The following CSMD3 variants were observed in gnomAD, a reference collection of about 807,000 sequenced individuals.
The protein encoded by CSMD3 is CUB and Sushi multiple domains 3, also known as CUB and sushi domain-containing protein 3.
CSMD3 carries 177 observed loss-of-function variants against 435.2 expected under a neutral mutation model. That is an observed-to-expected ratio of 0.41 (90% CI 0.36 to 0.46). The LOEUF (loss-of-function observed/expected upper bound fraction) is 0.46, where lower values mean the gene tolerates loss of function less well. Among genes scored for constraint, CSMD3 ranks in the 20% least tolerant of loss-of-function variants. The pLI is 0.34. For missense variants in CSMD3, 4,265 were observed against 4,504.6 expected (o/e 0.95, Z 1.52); for synonymous variants, 1,656 against 1,520.5 (o/e 1.09, Z -2.07).
chr8:112,264,652 A>G (rs1446252971), intron 60 of CSMD3, among the ~76,000 whole-genome samples: 1 of 152,156 alleles, frequency 6.6e-6, no homozygotes, highest in Admixed American at 6.6e-5. Flanking sequence ...ACAGAAGCTT[A>G]ATAATCAAGA....
chr8:112,237,090 A>G, intron 67 of CSMD3, 100 bp downstream of exon 67: 4 of 1,356,316 alleles, frequency 2.9e-6, no homozygotes, highest in Non-Finnish European at 4.2e-6. Flanking sequence ...ATGTATCAAA[A>G]TAAACATTTC....
chr8:113,026,037 T>C (rs370717991), intron 5 of CSMD3, among the ~76,000 whole-genome samples: 1 of 152,168 alleles, frequency 6.6e-6, no homozygotes, highest in Non-Finnish European at 1.5e-5. Context: ...TATAGCACCC[T>C]GGGTCACAGG....
At chr8:113,415,503 G>T (rs2094578112) in intron 1 of CSMD3, among the ~76,000 whole-genome samples, 1 of 152,094 alleles carries the variant, frequency 6.6e-6, no homozygotes, top group Non-Finnish European at 1.5e-5. Context: ...ACTATGAACA[G>T]AGTGTTTAAT....
intron 27 of CSMD3, among the ~76,000 whole-genome samples, chr8:112,524,827 A>G (rs186084991): frequency 5.9e-5 from 9 of 152,168 alleles, no homozygotes; most frequent in Admixed American, 2.0e-4. Flanking sequence ...CATCTTCTTT[A>G]TATGAATTAT....
At chr8:112,541,459 C>T (rs1051274780) in intron 27 of CSMD3, among the ~76,000 whole-genome samples, 1 of 151,368 alleles carries the variant, frequency 6.6e-6, no homozygotes, top group Non-Finnish European at 1.5e-5. Flanking sequence ...ACATAAGAGA[C>T]TATATTGAAC....
chr8:112,546,539 G>C (rs145601640), intron 27 of CSMD3, among the ~76,000 whole-genome samples: 1 of 152,104 alleles, frequency 6.6e-6, no homozygotes, highest in African/African-American at 2.4e-5. Flanking sequence ...ACCCAGCAGG[G>C]GAAGATTCTC....
At chr8:112,677,594 G>C (rs1269615992) in intron 16 of CSMD3, among the ~76,000 whole-genome samples, 3 of 150,870 alleles carry the variant, frequency 2.0e-5, no homozygotes, top group African/African-American at 7.3e-5. Flanking sequence ...TAAGACATGA[G>C]CAGAATATCA....
At chr8:112,812,357 G>A (rs1339200469) in intron 12 of CSMD3, among the ~76,000 whole-genome samples, 1 of 152,178 alleles carries the variant, frequency 6.6e-6, no homozygotes, top group Non-Finnish European at 1.5e-5. Context: ...CATCCCAAGT[G>A]CTGGCAGGCC....
intron 14 of CSMD3, among the ~76,000 whole-genome samples, chr8:112,689,275 A>C (rs752848611): frequency 6.6e-6 from 1 of 152,054 alleles, no homozygotes; most frequent in Non-Finnish European, 1.5e-5. Flanking sequence ...GAGCACACCA[A>C]GTGCGTGAAT....
intron 4 of CSMD3, among the ~76,000 whole-genome samples, chr8:113,145,002 G>C (rs2091639451): frequency 6.6e-6 from 1 of 151,548 alleles, no homozygotes; most frequent in African/African-American, 2.4e-5. Flanking sequence ...ATTTAATAGA[G>C]CCCTGAGGGG....
chr8:112,475,267 G>T (rs895652564), intron 31 of CSMD3, among the ~76,000 whole-genome samples: 4 of 152,098 alleles, frequency 2.6e-5, no homozygotes, highest in Middle Eastern at 3.2e-3. Flanking sequence ...CTGACAGCCA[G>T]AATTTGTTTT....
chr8:112,472,237 G>T (rs566564389), intron 32 of CSMD3, among the ~76,000 whole-genome samples: 1 of 152,108 alleles, frequency 6.6e-6, no homozygotes, highest in African/African-American at 2.4e-5. Flanking sequence ...TTCAATATTT[G>T]ACTTAATACA....
chr8:113,325,506 C>T (rs974228422), intron 1 of CSMD3, among the ~76,000 whole-genome samples: 3 of 152,128 alleles, frequency 2.0e-5, no homozygotes, highest in Non-Finnish European at 4.4e-5. Flanking sequence ...CCTCCCCAGC[C>T]ATGTGAAACT....
chr8:113,421,741 T>A (rs758195350), intron 1 of CSMD3, among the ~76,000 whole-genome samples: 30 of 152,120 alleles, frequency 2.0e-4, no homozygotes, highest in Non-Finnish European at 3.4e-4. Context: ...TTTTCTGGAA[T>A]TTTCTTATCT....
In CSMD3 at chr8:112,314,496, A is replaced by G. The variant is rs1822276109; in HGVS notation, c.7482T>C (p.Tyr2494=). 1 of 1,612,558 alleles carries G rather than the reference A, an allele frequency of 6.2e-7. No individual in the cohort carries two copies. The highest frequency in any genetic ancestry group is 8.5e-7 in the Non-Finnish European group (1 of 1,178,826). The change falls in exon 48 of 71, where the codon TAT becomes TAC. Residue 2494 remains tyrosine (Y), a synonymous_variant. Coordinates refer to ENST00000297405, the MANE Select transcript of CSMD3 (RefSeq NM_198123.2). ...CAWSISVEKG[Y]NITMFVEFFQ... ...AGAATTCTACAAACATGGTGATATT[A>G]TAACCCTTTTCCACTGAAATGCTCC...
intron 7 of CSMD3, among the ~76,000 whole-genome samples, chr8:112,959,430 CT>C (rs1336952644): frequency 1.3e-5 from 2 of 151,870 alleles, no homozygotes; most frequent in African/African-American, 2.4e-5. Flanking sequence ...GTGTCAGTAG[CT>C]GTATTATAAA....
chr8:112,736,270 G>A (rs16884004), intron 13 of CSMD3, among the ~76,000 whole-genome samples: 50,517 of 151,750 alleles, frequency 0.33, 9,270 homozygotes, highest in African/African-American at 0.5. Context: ...TAGTTTTCTG[G>A]GTTAAAATTT....
intron 1 of CSMD3, among the ~76,000 whole-genome samples, chr8:113,390,642 A>ACG (rs1323038348): frequency 1.3e-5 from 2 of 151,864 alleles, no homozygotes; most frequent in African/African-American, 4.8e-5. Context: ...TAACAAGGGA[A>ACG]CGCTTTGTCT....
At chr8:112,243,897 A>G (rs1814426274) in intron 65 of CSMD3, among the ~76,000 whole-genome samples, 1 of 152,140 alleles carries the variant, frequency 6.6e-6, no homozygotes, top group East Asian at 1.9e-4. Context: ...AAAGAAGGCC[A>G]TATTGAAATG....
Sources: gnomAD v4.1 joint callset for allele counts (sites outside exome capture counted in the v4.1 genomes callset) on GRCh38, gnomAD v4.1.1 for gene constraint, MANE v1.5 for transcripts, NCBI Gene and HGNC (gene_info 2026-07-23, HGNC 2026-07-21) for gene names.